AIG1: variants seen among roughly 807,000 people sequenced by gnomAD.
The protein encoded by AIG1 is androgen induced 1, also known as androgen-induced gene 1 protein.
AIG1 carries 23 observed loss-of-function variants against 31.4 expected under a neutral mutation model. The ratio of observed to expected loss-of-function variants is 0.73; its 90% CI spans 0.53 to 1.04. The LOEUF is 1.04. AIG1 is among the 50% of genes least tolerant of loss of function. AIG1 has a pLI of 0.00. For missense variants in AIG1, 274 were observed against 295.0 expected, an observed-to-expected ratio of 0.93 and a Z score of 0.52; for synonymous variants, 100 against 110.5, an observed-to-expected ratio of 0.90 and a Z score of 0.60.
At chr6:143,135,791 A>G (rs568252309) in intron 1 of AIG1, among the ~76,000 whole-genome samples, 1 of 152,302 alleles carries the variant, frequency 6.6e-6, no homozygotes, top group South Asian at 2.1e-4. Context: ...AAATTTACCA[A>G]AAAAGGTCCT....
intron 1 of AIG1, among the ~76,000 whole-genome samples, chr6:143,119,019 G>A (rs919560425): frequency 2.0e-4 from 30 of 152,060 alleles, no homozygotes; most frequent in African/African-American, 7.2e-4. Context: ...TACTACAAGT[G>A]TGCACCATTG....
chr6:143,340,527 C>T lies in AIG1; in HGVS notation c.*851C>T, dbSNP rs1483918834. 6.6e-6 allele frequency among the ~76,000 whole-genome samples: 1 copy of T among 151,900 alleles called. No homozygotes were observed. The highest frequency in any genetic ancestry group is 1.5e-5 in the Non-Finnish European group (1 of 68,030). The stretch of plus-strand genomic sequence containing the variant: ...CCAGGCTGGAGTACAGTGGCGTGAT[C>T]TCAGCTCACGGCAAGCTCCGCTTCC... On this transcript the variant is annotated 3_prime_UTR_variant, in exon 6 of 6. Coordinates refer to ENST00000357847, the MANE Select transcript of AIG1 (RefSeq NM_016108.4).
rs151178242 is a variant in AIG1, at chr6:143,148,733, C to CT, written c.297+11744dup. 3.1e-3 allele frequency among the ~76,000 whole-genome samples: 465 copies of CT among 151,968 alleles called. 5 individuals are homozygous for CT. The highest frequency in any genetic ancestry group is 0.011 in the African/African-American group (446 of 41,424). ...TGCTACATGGGAGACTGCAGTAAGA[C>CT]TGATTGCTTGAGCCTAGAGATTCGA... is the stretch of plus-strand genomic sequence containing the variant. On this transcript the variant is annotated intron_variant, in intron 2 of 5. Transcript: ENST00000357847.
intron 2 of AIG1, among the ~76,000 whole-genome samples, chr6:143,154,251 T>G (rs933514598): frequency 1.3e-5 from 2 of 152,206 alleles, no homozygotes; most frequent in Non-Finnish European, 2.9e-5. Context: ...AGTAGCTACC[T>G]TAAAGTAGTT....
At chr6:143,222,702 CT>C (rs11313817) in intron 3 of AIG1, among the ~76,000 whole-genome samples, 86,987 of 151,668 alleles carry the variant, frequency 0.57, 26,794 homozygotes, top group East Asian at 0.95. Flanking sequence ...TCCCCTTTCT[CT>C]TTTTTTTTGC....
intron 1 of AIG1, among the ~76,000 whole-genome samples, chr6:143,107,233 G>T (rs1780883724): frequency 6.6e-6 from 1 of 152,124 alleles, no homozygotes; most frequent in Non-Finnish European, 1.5e-5. Context: ...GCAGTATCAA[G>T]AATTTGATTA....
intron 3 of AIG1, among the ~76,000 whole-genome samples, chr6:143,191,329 C>T (rs981050516): frequency 6.6e-6 from 1 of 152,008 alleles, no homozygotes; most frequent in African/African-American, 2.4e-5. Flanking sequence ...CTACAAGTTT[C>T]AATTAGCATT....
intron 1 of AIG1, among the ~76,000 whole-genome samples, chr6:143,116,660 A>T (rs1378880080): frequency 6.7e-6 from 1 of 149,216 alleles, no homozygotes; most frequent in South Asian, 2.2e-4. Flanking sequence ...CAGGTTCAAG[A>T]GGCAGAAGAG....
At chr6:143,159,641 G>A (rs1786142748) in intron 2 of AIG1, among the ~76,000 whole-genome samples, 1 of 152,266 alleles carries the variant, frequency 6.6e-6, no homozygotes, top group Middle Eastern at 3.4e-3. Context: ...GGAGACTGTG[G>A]CATTTTAGAG....
chr6:143,200,138 G>A (rs1477900650), intron 3 of AIG1, among the ~76,000 whole-genome samples: 2 of 152,152 alleles, frequency 1.3e-5, no homozygotes, highest in Non-Finnish European at 2.9e-5. Context: ...AGACACTGGT[G>A]CATCTCAAGA....
At chr6:143,113,327 G>T (rs1362786467) in intron 1 of AIG1, among the ~76,000 whole-genome samples, 1 of 152,080 alleles carries the variant, frequency 6.6e-6, no homozygotes, top group Non-Finnish European at 1.5e-5. Context: ...ATTTCTGGCG[G>T]GGCGTGGGGG....
At chr6:143,223,005 A>G (rs1792655882) in intron 3 of AIG1, among the ~76,000 whole-genome samples, 1 of 152,236 alleles carries the variant, frequency 6.6e-6, no homozygotes, top group African/African-American at 2.4e-5. Context: ...CAGAACACAG[A>G]CAATGAGGCA....
At chr6:143,261,127 G>A (rs765978370) in intron 3 of AIG1, among the ~76,000 whole-genome samples, 4 of 152,084 alleles carry the variant, frequency 2.6e-5, no homozygotes, top group Non-Finnish European at 5.9e-5. Context: ...GAAAGCATGA[G>A]TAGCTCTTTT....
chr6:143,091,634 A>G (rs1053584645), intron 1 of AIG1, among the ~76,000 whole-genome samples: 9 of 152,340 alleles, frequency 5.9e-5, no homozygotes, highest in Admixed American at 3.3e-4. Flanking sequence ...AGTCTCATAG[A>G]TGCACATCAA....
chr6:143,071,221 C>G (rs1017938364), intron 1 of AIG1, among the ~76,000 whole-genome samples: 1 of 152,114 alleles, frequency 6.6e-6, no homozygotes, highest in Non-Finnish European at 1.5e-5. Context: ...TTTTAAAAAT[C>G]AGAATAATTA....
At chr6:143,133,896 G>A (rs962258374) in intron 1 of AIG1, among the ~76,000 whole-genome samples, 3 of 152,006 alleles carry the variant, frequency 2.0e-5, no homozygotes, top group African/African-American at 4.8e-5. Flanking sequence ...CACTTTATCA[G>A]TACCAAGGCA....
chr6:143,302,615 A>G (rs1445360254), intron 4 of AIG1, among the ~76,000 whole-genome samples: 1 of 152,142 alleles, frequency 6.6e-6, no homozygotes, highest in East Asian at 1.9e-4. Context: ...TTCTTAATCC[A>G]ATCTATCATT....
At chr6:143,161,691 T>C (rs1786397837) in intron 2 of AIG1, among the ~76,000 whole-genome samples, 1 of 152,048 alleles carries the variant, frequency 6.6e-6, no homozygotes, top group African/African-American at 2.4e-5. Flanking sequence ...ACTGTATGAT[T>C]GTCTCAAGTA....
chr6:143,306,840 A>G (rs1034296250), intron 4 of AIG1, among the ~76,000 whole-genome samples: 23 of 152,184 alleles, frequency 1.5e-4, no homozygotes, highest in African/African-American at 4.8e-4. Flanking sequence ...AGGTACACCA[A>G]TCAGACATAG....
Sources: gnomAD v4.1 joint callset for allele counts (sites outside exome capture counted in the v4.1 genomes callset) on GRCh38, gnomAD v4.1.1 for gene constraint, MANE v1.5 for transcripts, NCBI Gene and HGNC (gene_info 2026-07-23, HGNC 2026-07-21) for gene names.